The following TMEM178B variants were observed in gnomAD, a reference collection of about 807,000 sequenced individuals.
TMEM178B encodes transmembrane protein 178B.
In TMEM178B, 5 loss-of-function variants were observed where a neutral mutation model predicts 31.0. The observed-to-expected ratio is 0.16, with a 90% CI of 0.08 to 0.34. The LOEUF is 0.34. TMEM178B is among the 10% of genes least tolerant of loss of function. TMEM178B has a pLI of 1.00. For synonymous variants in TMEM178B, 164 were observed against 164.0 expected (o/e 1.00, Z 0.00); for missense variants, 275 against 400.3 (o/e 0.69, Z 2.67).
intron 2 of TMEM178B, among the ~76,000 whole-genome samples, chr7:141,354,240 G>A (rs1457507650): frequency 6.6e-6 from 1 of 152,136 alleles, no homozygotes; most frequent in Non-Finnish European, 1.5e-5. Flanking sequence ...GTTATGTTTT[G>A]AGCTTAATAT....
chr7:141,375,169 A>C (rs1043591740), intron 2 of TMEM178B, among the ~76,000 whole-genome samples: 2 of 152,210 alleles, frequency 1.3e-5, no homozygotes, highest in Non-Finnish European at 2.9e-5. Flanking sequence ...CCTTTAAAAC[A>C]CTTAAATGTT....
chr7:141,466,990 C>T (rs1802156963), intron 3 of TMEM178B, among the ~76,000 whole-genome samples: 1 of 152,092 alleles, frequency 6.6e-6, no homozygotes, highest in Non-Finnish European at 1.5e-5. Flanking sequence ...GGCAATTGCT[C>T]TTGCCTTGGC....
intron 2 of TMEM178B, among the ~76,000 whole-genome samples, chr7:141,308,728 C>T (rs1798859981): frequency 6.6e-6 from 1 of 152,152 alleles, no homozygotes; most frequent in Non-Finnish European, 1.5e-5. Context: ...TCCGGCCCAA[C>T]CTTCTTGTTT....
At chr7:141,431,673 G>A (rs986021158) in intron 2 of TMEM178B, among the ~76,000 whole-genome samples, 1 of 152,102 alleles carries the variant, frequency 6.6e-6, no homozygotes, top group Non-Finnish European at 1.5e-5. Context: ...CTTTCCAGGG[G>A]GATTATTCTT....
chr7:141,350,876 G>C (rs985060979), intron 2 of TMEM178B, among the ~76,000 whole-genome samples: 8 of 152,172 alleles, frequency 5.3e-5, no homozygotes, highest in African/African-American at 1.9e-4. Context: ...AGCAGCCCTT[G>C]ATCACTTAAA....
intron 1 of TMEM178B, among the ~76,000 whole-genome samples, chr7:141,208,720 C>T (rs1797004545): frequency 6.6e-6 from 1 of 152,208 alleles, no homozygotes; most frequent in African/African-American, 2.4e-5. Context: ...TCTTCCCTCT[C>T]TGGCTGGCTG....
intron 2 of TMEM178B, among the ~76,000 whole-genome samples, chr7:141,348,727 G>A (rs567453190): frequency 7.2e-5 from 11 of 152,236 alleles, no homozygotes; most frequent in African/African-American, 2.4e-4. Flanking sequence ...AAAGAAAGGA[G>A]GCAATTGTAA....
chr7:141,376,796 G>A (rs970203612), intron 2 of TMEM178B, among the ~76,000 whole-genome samples: 1 of 152,162 alleles, frequency 6.6e-6, no homozygotes, highest in Non-Finnish European at 1.5e-5. Flanking sequence ...GGTCAATGGG[G>A]AGGACTTGCT....
chr7:141,204,121 G>A (rs549082693), intron 1 of TMEM178B, among the ~76,000 whole-genome samples: 1 of 152,296 alleles, frequency 6.6e-6, no homozygotes, highest in East Asian at 1.9e-4. Context: ...TCTTAGTTTG[G>A]GTTCTTCCAA....
chr7:141,074,322 A>G lies in TMEM178B; in HGVS notation c.12A>G (p.Gly4=), dbSNP rs1040674018. 8 of 1,517,878 alleles carry G rather than the reference A, an allele frequency of 5.3e-6. No homozygotes were observed. In the Admixed American group the frequency reaches 8.1e-5, roughly 15 times the overall value. The allele number at this position is 1,517,878 out of a possible 1,614,324, so 94.0% of individuals were successfully genotyped here. A position where few individuals can be genotyped will look rare whatever the true frequency, so the allele number is the denominator to read the frequency against. MAA[G]RLLLYTGLSL... ...CGCCAAGCGGAGGCATGGCTGCCGG[A>G]AGGTTACTGCTCTACACTGGCCTCT... Residue 4 remains glycine, a synonymous_variant, in exon 1 of 4, where the codon GGA becomes GGG. Transcript: ENST00000565468. This position sits in a 1 kb window ranked among gnomAD's most constrained non-coding sequence, Gnocchi z 5.1.
At position 141,180,482 on chromosome 7, in the gene TMEM178B, A is replaced by T. The variant is rs1347806635; in HGVS notation, c.383-32109A>T. On this transcript the variant is annotated intron_variant, in intron 1 of 3. Coordinates refer to ENST00000565468, the MANE Select transcript of TMEM178B (RefSeq NM_001195278.2). Reference sequence around the variant, plus strand: ...CCATCTCAAAAAAAAAAAAAAAAAAAAGAAAGAAAGAAAAAGAAAATATAA... The same window carrying T: ...CCATCTCAAAAAAAAAAAAAAAAAATAGAAAGAAAGAAAAAGAAAATATAA... 4.0e-5 allele frequency among the ~76,000 whole-genome samples: 6 copies of T among 149,600 alleles called. No homozygotes were observed. The East Asian group carries it at 1.2e-3, about 29-fold the overall frequency.
intron 2 of TMEM178B, among the ~76,000 whole-genome samples, chr7:141,293,245 G>C (rs1222433522): frequency 2.6e-5 from 4 of 152,136 alleles, no homozygotes; most frequent in Non-Finnish European, 5.9e-5. Flanking sequence ...GGACCCACCT[G>C]GGGGCTCCTC....
intron 2 of TMEM178B, among the ~76,000 whole-genome samples, chr7:141,406,581 A>C (rs1296904907): frequency 6.6e-6 from 1 of 152,230 alleles, no homozygotes; most frequent in Non-Finnish European, 1.5e-5. Flanking sequence ...TATATGCTGG[A>C]TCAAAAGGAC....
At chr7:141,208,841 G>T (rs780048445) in intron 1 of TMEM178B, among the ~76,000 whole-genome samples, 1 of 152,250 alleles carries the variant, frequency 6.6e-6, no homozygotes, top group Non-Finnish European at 1.5e-5. Context: ...TAAGAAATCA[G>T]GTACTTTCCT....
chr7:141,493,588 T>C, the TMEM178B span, among the ~76,000 whole-genome samples: 6 of 152,306 alleles, frequency 3.9e-5, no homozygotes, highest in African/African-American at 1.4e-4. Context: ...CAAGGAGAAC[T>C]GCAGGTAATT....
At chr7:141,437,518 C>A in intron 2 of TMEM178B, 90 bp from the exon 3 acceptor site, 2 of 1,482,450 alleles carry the variant, frequency 1.3e-6, no homozygotes, top group Non-Finnish European at 1.8e-6. Flanking sequence ...GAGGGCCACT[C>A]CCTCTCTGCA....
intron 2 of TMEM178B, among the ~76,000 whole-genome samples, chr7:141,224,382 T>A (rs1213213352): frequency 1.3e-5 from 2 of 152,166 alleles, no homozygotes; most frequent in South Asian, 2.1e-4. Context: ...ACGGATTCGA[T>A]CTCCAAGTTA....
At chr7:141,427,820 T>C (rs1801348305) in intron 2 of TMEM178B, among the ~76,000 whole-genome samples, 1 of 152,076 alleles carries the variant, frequency 6.6e-6, no homozygotes, top group Admixed American at 6.5e-5. Flanking sequence ...GGGATTAATA[T>C]CCAAAATATA....
intron 2 of TMEM178B, among the ~76,000 whole-genome samples, chr7:141,365,150 T>C (rs1799982595): frequency 6.6e-6 from 1 of 152,260 alleles, no homozygotes; most frequent in South Asian, 2.1e-4. Context: ...CTTAGCCTTA[T>C]GTAAAACACT....
Sources: gnomAD v4.1 joint callset for allele counts (sites outside exome capture counted in the v4.1 genomes callset) on GRCh38, gnomAD v4.1.1 for gene constraint, Gnocchi (gnomAD v3.1) non-coding constraint, MANE v1.5 for transcripts, NCBI Gene and HGNC (gene_info 2026-07-23, HGNC 2026-07-21) for gene names.